Variants in TMEM163 observed in about 807,000 individuals in gnomAD.
TMEM163 encodes transmembrane protein 163.
TMEM163 carries 17 observed loss-of-function variants against 29.3 expected under a neutral mutation model. The ratio of observed to expected loss-of-function variants is 0.58; its 90% CI spans 0.40 to 0.87. TMEM163 has a LOEUF of 0.87. TMEM163 is among the 40% of genes least tolerant of loss of function. TMEM163 has a pLI of 0.00. For missense variants in TMEM163, 303 were observed against 381.5 expected (o/e 0.79, Z 1.71); for synonymous variants, 157 against 160.6 (o/e 0.98, Z 0.17).
chr2:134,704,386 G>A (rs879133091), intron 2 of TMEM163, among the ~76,000 whole-genome samples: 32 of 152,046 alleles, frequency 2.1e-4, no homozygotes, highest in Admixed American at 1.6e-3. Context: ...CTGCCTCCCC[G>A]TGGTTGTACA....
chr2:134,677,992 A>G (rs1684152311), intron 2 of TMEM163, among the ~76,000 whole-genome samples: 1 of 152,166 alleles, frequency 6.6e-6, no homozygotes, highest in Admixed American at 6.5e-5. Flanking sequence ...CCAAGCACAA[A>G]AAACGAAGGC....
At chr2:134,705,552 G>A (rs1311461534) in intron 2 of TMEM163, among the ~76,000 whole-genome samples, 1 of 152,176 alleles carries the variant, frequency 6.6e-6, no homozygotes, top group Non-Finnish European at 1.5e-5. Flanking sequence ...GGTGGACAGG[G>A]AGCAAGAGTT....
chr2:134,494,524 G>A (rs10211013), intron 5 of TMEM163, among the ~76,000 whole-genome samples: 171 of 152,250 alleles, frequency 1.1e-3, no homozygotes, highest in African/African-American at 3.7e-3. Flanking sequence ...TGAGAAGAGC[G>A]TCCCTGAAGG....
At chr2:134,515,084 A>G (rs763262632) in intron 4 of TMEM163, among the ~76,000 whole-genome samples, 21 of 152,262 alleles carry the variant, frequency 1.4e-4, no homozygotes, top group Non-Finnish European at 1.5e-5. Context: ...CAGTGGCAGC[A>G]AAAGGCTGTC....
chr2:134,549,935 G>A (rs938433276), intron 4 of TMEM163, among the ~76,000 whole-genome samples: 2 of 152,112 alleles, frequency 1.3e-5, no homozygotes, highest in Non-Finnish European at 2.9e-5. Flanking sequence ...TTTTCCAGAC[G>A]AGGGAATGAG....
intron 2 of TMEM163, among the ~76,000 whole-genome samples, chr2:134,593,043 G>T (rs1273120725): frequency 6.6e-6 from 1 of 152,076 alleles, no homozygotes; most frequent in Non-Finnish European, 1.5e-5. Context: ...ACAAGATAAG[G>T]CATTTTTAAA....
At chr2:134,671,760 C>T (rs1211114087) in intron 2 of TMEM163, among the ~76,000 whole-genome samples, 11 of 152,232 alleles carry the variant, frequency 7.2e-5, no homozygotes. Context: ...AGGGGCTTGA[C>T]ACAGGCTTTA....
intron 5 of TMEM163, among the ~76,000 whole-genome samples, chr2:134,473,537 A>C (rs76221297): frequency 1.4e-5 from 2 of 147,706 alleles, no homozygotes; most frequent in African/African-American, 4.9e-5. Flanking sequence ...CTCTGTCTCA[A>C]AAAAAAAAAA....
intron 5 of TMEM163, among the ~76,000 whole-genome samples, chr2:134,494,982 G>C (rs1679515709): frequency 2.6e-5 from 1 of 39,084 alleles, no homozygotes; most frequent in Non-Finnish European, 4.5e-5. Flanking sequence ...TGCCTCCCAG[G>C]TTCTCCCTCC....
chr2:134,461,881 C>T (rs1266329287), intron 6 of TMEM163, among the ~76,000 whole-genome samples: 1 of 152,214 alleles, frequency 6.6e-6, no homozygotes, highest in African/African-American at 2.4e-5. Flanking sequence ...CCTCAGGGAA[C>T]CCCCAACGTT....
At chr2:134,576,605 A>T (rs1681560477) in intron 2 of TMEM163, among the ~76,000 whole-genome samples, 1 of 152,156 alleles carries the variant, frequency 6.6e-6, no homozygotes, top group African/African-American at 2.4e-5. Flanking sequence ...ACAAAAAGGA[A>T]CCAAGAGGAG....
intron 2 of TMEM163, among the ~76,000 whole-genome samples, chr2:134,572,066 G>A (rs1241323207): frequency 1.3e-5 from 2 of 152,140 alleles, no homozygotes; most frequent in African/African-American, 2.4e-5. Flanking sequence ...CTAAGGATAG[G>A]GAATCCCAAA....
chr2:134,633,134 T>C (rs1232269695), intron 2 of TMEM163, among the ~76,000 whole-genome samples: 5 of 152,058 alleles, frequency 3.3e-5, no homozygotes, highest in Admixed American at 6.5e-5. Flanking sequence ...ATTCAGACCA[T>C]AGAAGAAGGT....
intron 2 of TMEM163, among the ~76,000 whole-genome samples, chr2:134,647,512 C>T (rs1367810688): frequency 6.6e-6 from 1 of 151,968 alleles, no homozygotes; most frequent in Non-Finnish European, 1.5e-5. Flanking sequence ...CTCAATCTGT[C>T]GCACTGTACA....
At chr2:134,718,234 C>A (rs1685079266) in intron 1 of TMEM163, among the ~76,000 whole-genome samples, 1 of 152,234 alleles carries the variant, frequency 6.6e-6, no homozygotes, top group African/African-American at 2.4e-5. Context: ...TTGCGCCCTT[C>A]GCCGGGGCGG....
intron 2 of TMEM163, among the ~76,000 whole-genome samples, chr2:134,587,782 C>T (rs1018902441): frequency 6.6e-6 from 1 of 152,192 alleles, no homozygotes; most frequent in Non-Finnish European, 1.5e-5. Context: ...CCAGAGATAT[C>T]CTCCTGGGCA....
intron 2 of TMEM163, among the ~76,000 whole-genome samples, chr2:134,677,154 G>T (rs912696221): frequency 6.6e-6 from 1 of 152,120 alleles, no homozygotes; most frequent in African/African-American, 2.4e-5. Context: ...GCTTCCTTCC[G>T]CAGACCTCGT....
intron 5 of TMEM163, among the ~76,000 whole-genome samples, chr2:134,496,362 G>T (rs971486526): frequency 6.6e-6 from 1 of 152,022 alleles, no homozygotes; most frequent in African/African-American, 2.4e-5. Context: ...GCACCAGGCC[G>T]CAAACCTAAC....
chr2:134,544,842 T>C (rs961891850), intron 4 of TMEM163, among the ~76,000 whole-genome samples: 1 of 152,112 alleles, frequency 6.6e-6, no homozygotes, highest in South Asian at 2.1e-4. Flanking sequence ...TCTATCCATA[T>C]ACCAAGTACC....
Sources: gnomAD v4.1 joint callset for allele counts (sites outside exome capture counted in the v4.1 genomes callset) on GRCh38, gnomAD v4.1.1 for gene constraint, MANE v1.5 for transcripts, NCBI Gene and HGNC (gene_info 2026-07-23, HGNC 2026-07-21) for gene names.